ASIC2: variants seen among roughly 807,000 people sequenced by gnomAD.
ASIC2 encodes acid sensing ion channel subunit 2.
A neutral mutation model predicts 57.3 loss-of-function variants in ASIC2; 25 were observed. The observed-to-expected ratio is 0.44, with a 90% CI of 0.32 to 0.61. ASIC2 has a LOEUF of 0.61. ASIC2 is among the 20% of genes least tolerant of loss of function. The probability of loss-of-function intolerance (pLI) is 0.06; values close to 1 mark genes in which losing one functional copy is unlikely to be tolerated. For synonymous variants in ASIC2, 319 were observed against 307.5 expected (o/e 1.04, Z -0.39); for missense variants, 641 against 738.1 (o/e 0.87, Z 1.52).
chr17:33,369,015 AG>A (rs1908936267), intron 1 of ASIC2, among the ~76,000 whole-genome samples: 1 of 152,232 alleles, frequency 6.6e-6, no homozygotes, highest in African/African-American at 2.4e-5. Flanking sequence ...AGATGGAGAA[AG>A]CAAGATGGAG....
chr17:33,192,976 G>C (rs2142070055), intron 1 of ASIC2, among the ~76,000 whole-genome samples: 1 of 152,248 alleles, frequency 6.6e-6, no homozygotes, highest in South Asian at 2.1e-4. Flanking sequence ...ATTCAAGAAG[G>C]ATTGCTCACC....
chr17:33,793,783 G>T (rs989405666), intron 1 of ASIC2: 1 of 152,142 alleles, frequency 6.6e-6, no homozygotes, highest in African/African-American at 2.4e-5. Flanking sequence ...GTGCCAAACA[G>T]CTAATAATAT....
At chr17:33,156,692 G>T (rs1194500183) in intron 1 of ASIC2, among the ~76,000 whole-genome samples, 1 of 151,930 alleles carries the variant, frequency 6.6e-6, no homozygotes, top group Non-Finnish European at 1.5e-5. Flanking sequence ...GGAGGCGGAG[G>T]TTGCAGTGAG....
chr17:33,160,029 C>G lies in ASIC2; in HGVS notation c.709-47962G>C, dbSNP rs553421269. Among the ~76,000 whole-genome samples, 48 of 151,878 alleles carry G rather than the reference C, an allele frequency of 3.2e-4. 1 individual carries two copies. Among genetic ancestry groups the G allele is most frequent in the Middle Eastern group, 6.8e-3 (2 of 292 alleles). ...TTTGAGACCAGCCTGGGCAACATGG[C>G]GAAACTTCGTCTCTGCAAAAAATAA... On this transcript the variant is annotated intron_variant, in intron 1 of 9. Coordinates refer to ENST00000225823, the MANE Select transcript of ASIC2 (RefSeq NM_183377.2).
At chr17:33,331,835 T>C (rs1019922724) in intron 1 of ASIC2, among the ~76,000 whole-genome samples, 1 of 152,226 alleles carries the variant, frequency 6.6e-6, no homozygotes, top group Non-Finnish European at 1.5e-5. Context: ...CTGCCCGTAG[T>C]CATTCTGCTA....
chr17:33,883,114 G>A (rs1278850316), intron 1 of ASIC2, among the ~76,000 whole-genome samples: 2 of 152,116 alleles, frequency 1.3e-5, no homozygotes, highest in Non-Finnish European at 2.9e-5. Context: ...GGAGAGGGGA[G>A]GGATAGCATT....
chr17:33,631,871 A>T (rs1242585208), intron 1 of ASIC2, among the ~76,000 whole-genome samples: 1 of 152,196 alleles, frequency 6.6e-6, no homozygotes, highest in Admixed American at 6.5e-5. Context: ...ATTTGATAAG[A>T]AAGATAAGAG....
At chr17:33,447,824 A>C (rs545422704) in intron 1 of ASIC2, among the ~76,000 whole-genome samples, 1 of 151,528 alleles carries the variant, frequency 6.6e-6, no homozygotes, top group East Asian at 1.9e-4. Context: ...TCTATTTTAC[A>C]CTTCAAAATA....
chr17:33,599,027 A>T (rs1222665059), intron 1 of ASIC2, among the ~76,000 whole-genome samples: 1 of 152,182 alleles, frequency 6.6e-6, no homozygotes, highest in Non-Finnish European at 1.5e-5. Context: ...GTATGCACAC[A>T]TATGCCCATC....
At chr17:33,399,994 A>T (rs1910224703) in intron 1 of ASIC2, among the ~76,000 whole-genome samples, 1 of 152,224 alleles carries the variant, frequency 6.6e-6, no homozygotes, top group African/African-American at 2.4e-5. Flanking sequence ...AAATAAGCAG[A>T]CCTGGGTTAC....
chr17:33,611,211 G>T (rs1395723492), intron 1 of ASIC2, among the ~76,000 whole-genome samples: 2 of 152,148 alleles, frequency 1.3e-5, no homozygotes, highest in African/African-American at 4.8e-5. Flanking sequence ...TTAAACACCA[G>T]CATCTCTAAG....
At chr17:34,045,725 C>G (rs1437553320) in intron 1 of ASIC2, among the ~76,000 whole-genome samples, 1 of 152,162 alleles carries the variant, frequency 6.6e-6, no homozygotes, top group African/African-American at 2.4e-5. Context: ...TTACCTCTGG[C>G]TGAAAGCAAA....
intron 1 of ASIC2, among the ~76,000 whole-genome samples, chr17:33,234,416 G>A (rs983375830): frequency 3.3e-5 from 5 of 152,184 alleles, no homozygotes; most frequent in Admixed American, 3.3e-4. Flanking sequence ...TGTGGGTGAT[G>A]TGTGGAAGTG....
Position 33,667,972 on chromosome 17 carries a change from C to T in ASIC2, c.555+488006G>A, listed in dbSNP as rs1221912293. ...CAGGCCTGCTCAAAACAAGTGCAGA[C>T]TGGAGTAGGAAAACTACAGTTATCT... On this transcript the variant is annotated intron_variant, in intron 1 of 9. Transcript: ENST00000359872. Among the ~76,000 whole-genome samples the T allele has an allele frequency of 6.6e-5, 10 of 152,198 alleles. No individual in the cohort carries two copies. The South Asian group carries it at 1.7e-3, about 25-fold the overall frequency.
intron 1 of ASIC2, chr17:34,039,379 G>T (rs531833474): frequency 6.2e-7 from 1 of 1,613,926 alleles, no homozygotes; most frequent in African/African-American, 1.3e-5. Flanking sequence ...TCCCCTTTGC[G>T]CCAGCTGCTC....
chr17:34,061,652 C>CT (rs1158580152), intron 1 of ASIC2, among the ~76,000 whole-genome samples: 1 of 152,082 alleles, frequency 6.6e-6, no homozygotes, highest in African/African-American at 2.4e-5. Flanking sequence ...AAAGGACTCA[C>CT]ATAAACTTAA....
chr17:33,687,530 G>A (rs1436756723), intron 1 of ASIC2, among the ~76,000 whole-genome samples: 1 of 152,152 alleles, frequency 6.6e-6, no homozygotes, highest in African/African-American at 2.4e-5. Context: ...GGAAGTCCCT[G>A]GTATTGTGGA....
chr17:34,099,878 A>T (rs778748530), intron 1 of ASIC2, among the ~76,000 whole-genome samples: 2 of 152,240 alleles, frequency 1.3e-5, no homozygotes, highest in African/African-American at 2.4e-5. Context: ...AAGGTAGAAT[A>T]CATGGTATGT....
chr17:34,129,280 T>C (rs1911883068), intron 1 of ASIC2, among the ~76,000 whole-genome samples: 1 of 152,200 alleles, frequency 6.6e-6, no homozygotes, highest in Non-Finnish European at 1.5e-5. Context: ...GATGACTTTA[T>C]ATGGTGGAAC....
Sources: allele counts gnomAD v4.1 joint callset (sites outside exome capture counted in the v4.1 genomes callset), GRCh38; gene constraint gnomAD v4.1.1; transcripts MANE v1.5; gene names NCBI Gene and HGNC (gene_info 2026-07-23, HGNC 2026-07-21).